Variants in APBA1 observed in about 807,000 individuals in gnomAD.
APBA1 encodes amyloid-beta A4 precursor protein-binding family A member 1.
APBA1 carries 55 observed loss-of-function variants against 86.6 expected under a neutral mutation model. That is an observed-to-expected ratio of 0.64 (90% CI 0.51 to 0.80). The LOEUF is 0.80. Ranked by LOEUF, APBA1 falls within the 30% of genes least tolerant of loss-of-function variation. The pLI is 0.00. For missense variants in APBA1, 1,090 were observed against 1,183.0 expected (o/e 0.92, Z 1.15); for synonymous variants, 511 against 493.9 (o/e 1.03, Z -0.46).
chr9:69,452,387 C>T (rs1342293480), intron 8 of APBA1, 86 bp from the exon 9 acceptor site: 5 of 1,353,324 alleles, frequency 3.7e-6, no homozygotes, highest in African/African-American at 2.9e-5. Flanking sequence ...TGAACAATGG[C>T]CCTCCTGGAG....
At chr9:69,561,999 T>G (rs1468539227) in intron 1 of APBA1, among the ~76,000 whole-genome samples, 3 of 152,118 alleles carry the variant, frequency 2.0e-5, no homozygotes, top group African/African-American at 4.8e-5. Context: ...TGCTAGCAGT[T>G]TTTTTTGATG....
intron 1 of APBA1, among the ~76,000 whole-genome samples, chr9:69,544,273 T>G (rs890053074): frequency 2.6e-5 from 4 of 152,270 alleles, no homozygotes; most frequent in Non-Finnish European, 5.9e-5. Flanking sequence ...CAAGTCATGC[T>G]TAAATATTTC....
At chr9:69,567,254 G>A (rs1212717954) in intron 1 of APBA1, among the ~76,000 whole-genome samples, 1 of 152,150 alleles carries the variant, frequency 6.6e-6, no homozygotes, top group Admixed American at 6.5e-5. Flanking sequence ...GAGAGAGAAG[G>A]GTGATTCCCA....
chr9:69,657,605 A>G (rs1823637187), intron 1 of APBA1, among the ~76,000 whole-genome samples: 1 of 152,232 alleles, frequency 6.6e-6, no homozygotes. Context: ...TCTGACTAAC[A>G]TAGCACTTTG....
chr9:69,461,949 G>A (rs1350342630), intron 5 of APBA1: 1 of 152,076 alleles, frequency 6.6e-6, no homozygotes, highest in East Asian at 1.9e-4. Flanking sequence ...CTACAACTTA[G>A]GCAAAGCTAT....
intron 1 of APBA1, among the ~76,000 whole-genome samples, chr9:69,532,527 G>A (rs1017725399): frequency 5.9e-5 from 9 of 152,140 alleles, no homozygotes; most frequent in Non-Finnish European, 8.8e-5. Flanking sequence ...TGCCAAGCCC[G>A]TCCCCACACT....
intron 10 of APBA1, among the ~76,000 whole-genome samples, chr9:69,441,713 C>T (rs1167421044): frequency 2.6e-5 from 4 of 152,130 alleles, no homozygotes; most frequent in Non-Finnish European, 5.9e-5. Context: ...TGTGTGCCTC[C>T]TTGGGAGAAT....
intron 1 of APBA1, among the ~76,000 whole-genome samples, chr9:69,660,466 T>C (rs971678248): frequency 6.6e-6 from 1 of 152,180 alleles, no homozygotes; most frequent in East Asian, 1.9e-4. Context: ...GCCACTTTAG[T>C]TATCATCTAA....
At chr9:69,574,361 A>T (rs1306901062) in intron 1 of APBA1, among the ~76,000 whole-genome samples, 1 of 152,174 alleles carries the variant, frequency 6.6e-6, no homozygotes, top group Non-Finnish European at 1.5e-5. Context: ...TTCTCCAACC[A>T]GTTTCCCCTC....
In APBA1 at chr9:69,456,365, A is replaced by T; in HGVS notation, c.1670T>A (p.Leu557Gln). 6.2e-7 allele frequency: 1 copy of T among 1,614,032 alleles called. No homozygotes were observed. Among genetic ancestry groups the T allele is most frequent in the Non-Finnish European group, 8.5e-7 (1 of 1,179,942 alleles). The change falls in exon 8 of 13, where the codon CTG (leucine) becomes CAG (glutamine). Residue 557 changes from leucine (L) to glutamine (Q), a missense_variant. By Grantham distance (113) the Leu-to-Gln change is moderately radical. This residue lies in a region of APBA1 where 103 missense variants were observed against 91.9 expected (regional missense o/e 1.12). Coordinates refer to ENST00000265381, the MANE Select transcript of APBA1 (RefSeq NM_001163.4). ...GCGAGGCATCCGCCGGCGGGCCATC[A>T]GCACAACGATGTTCCCAATGTCCGC... is the stretch of plus-strand genomic sequence containing the variant. ...YIADIGNIVV[L>Q]MARRRMPRSN...
intron 4 of APBA1, among the ~76,000 whole-genome samples, chr9:69,468,537 C>T (rs926320677): frequency 6.6e-6 from 1 of 152,212 alleles, no homozygotes; most frequent in Non-Finnish European, 1.5e-5. Flanking sequence ...CCTGTAATGG[C>T]TTCTGACCTC....
At chr9:69,608,963 T>C (rs1041859793) in intron 1 of APBA1, among the ~76,000 whole-genome samples, 1 of 152,240 alleles carries the variant, frequency 6.6e-6, no homozygotes, top group African/African-American at 2.4e-5. Context: ...AAGTAGGTGA[T>C]ATCTAACATG....
chr9:69,577,492 T>A (rs1450892577), intron 1 of APBA1, among the ~76,000 whole-genome samples: 2 of 152,100 alleles, frequency 1.3e-5, no homozygotes, highest in Non-Finnish European at 2.9e-5. Flanking sequence ...AGACCACCAT[T>A]GAATAGATGG....
chr9:69,642,214 C>A (rs1326052935), intron 1 of APBA1, among the ~76,000 whole-genome samples: 2 of 152,138 alleles, frequency 1.3e-5, no homozygotes, highest in Non-Finnish European at 2.9e-5. Flanking sequence ...TTGCAAAACA[C>A]CTATGTGATA....
At chr9:69,641,596 T>C (rs1823287830) in intron 1 of APBA1, among the ~76,000 whole-genome samples, 1 of 152,158 alleles carries the variant, frequency 6.6e-6, no homozygotes, top group East Asian at 1.9e-4. Context: ...CCACCATATA[T>C]GGTAAGATGA....
intron 2 of APBA1, among the ~76,000 whole-genome samples, chr9:69,488,830 T>A (rs1310702546): frequency 2.0e-5 from 3 of 152,168 alleles, no homozygotes; most frequent in Non-Finnish European, 4.4e-5. Context: ...AGCATTCTTA[T>A]ACACCAATAA....
chr9:69,671,004 T>C (rs929584270), intron 1 of APBA1, among the ~76,000 whole-genome samples: 3 of 152,046 alleles, frequency 2.0e-5, no homozygotes, highest in Admixed American at 2.0e-4. Context: ...CGTGTGATAT[T>C]TTTCTTCTTT....
At chr9:69,498,716 T>C (rs566029325) in intron 2 of APBA1, among the ~76,000 whole-genome samples, 1 of 152,198 alleles carries the variant, frequency 6.6e-6, no homozygotes, top group South Asian at 2.1e-4. Context: ...GATGATAAAT[T>C]GTAAGATGCA....
intron 4 of APBA1, among the ~76,000 whole-genome samples, chr9:69,468,578 A>G (rs974344257): frequency 2.6e-5 from 4 of 152,256 alleles, no homozygotes; most frequent in African/African-American, 9.6e-5. Context: ...GTGACCTCAA[A>G]GCCACAGTCC....
Sources: gnomAD v4.1 joint callset for allele counts (sites outside exome capture counted in the v4.1 genomes callset) on GRCh38, gnomAD v4.1.1 for gene constraint, gnomAD v4.1.1 regional missense constraint, MANE v1.5 for transcripts, NCBI Gene and HGNC (gene_info 2026-07-23, HGNC 2026-07-21) for gene names.